TAOK3: variants seen among roughly 807,000 people sequenced by gnomAD.
The protein encoded by TAOK3 is TAO kinase 3, also known as serine/threonine-protein kinase TAO3.
Under a neutral mutation model 120.4 loss-of-function variants are expected in TAOK3, and 40 were observed. The ratio of observed to expected loss-of-function variants is 0.33; its 90% CI spans 0.26 to 0.43. TAOK3 has a LOEUF of 0.43. Ranked by LOEUF, TAOK3 falls within the 20% of genes least tolerant of loss-of-function variation. The pLI is 1.00. For missense variants in TAOK3, 821 were observed against 1,112.1 expected (o/e 0.74, Z 3.72); for synonymous variants, 355 against 387.5 (o/e 0.92, Z 0.99).
At chr12:118,276,834 G>A (rs918584746) in intron 1 of TAOK3, among the ~76,000 whole-genome samples, 2 of 151,972 alleles carry the variant, frequency 1.3e-5, no homozygotes, top group African/African-American at 4.8e-5. Flanking sequence ...GTAAAACCCC[G>A]TGTCTACTAA....
chr12:118,337,835 T>G (rs1290523779), intron 1 of TAOK3, among the ~76,000 whole-genome samples: 1 of 152,212 alleles, frequency 6.6e-6, no homozygotes, highest in Admixed American at 6.5e-5. Context: ...ATCTTGACCA[T>G]TGTGGTGGAT....
At chr12:118,339,456 A>C (rs2044518672) in intron 1 of TAOK3, among the ~76,000 whole-genome samples, 2 of 151,956 alleles carry the variant, frequency 1.3e-5, no homozygotes, top group Admixed American at 6.6e-5. Flanking sequence ...AATGGAAGTT[A>C]AGTCTTCAAA....
intron 9 of TAOK3, among the ~76,000 whole-genome samples, chr12:118,217,107 C>A (rs1420054852): frequency 1.3e-5 from 2 of 152,088 alleles, no homozygotes; most frequent in East Asian, 3.9e-4. Flanking sequence ...CTTCTATTAA[C>A]CACTTCTAAA....
intron 1 of TAOK3, among the ~76,000 whole-genome samples, chr12:118,323,667 C>T (rs928712438): frequency 3.9e-5 from 6 of 151,930 alleles, no homozygotes; most frequent in African/African-American, 1.5e-4. Context: ...TATGTACTGA[C>T]CTTATATAAA....
intron 9 of TAOK3, among the ~76,000 whole-genome samples, chr12:118,216,273 A>T (rs1400387019): frequency 6.6e-6 from 1 of 152,118 alleles, no homozygotes; most frequent in African/African-American, 2.4e-5. Context: ...GAGTATAGGC[A>T]TGATGCACTG....
chr12:118,338,363 C>G (rs1373503165), intron 1 of TAOK3, among the ~76,000 whole-genome samples: 3 of 152,162 alleles, frequency 2.0e-5, no homozygotes, highest in Non-Finnish European at 2.9e-5. Flanking sequence ...TTTCCAGTAC[C>G]AAACAGTGTC....
intron 1 of TAOK3, among the ~76,000 whole-genome samples, chr12:118,280,775 A>T (rs527645188): frequency 1.3e-5 from 2 of 152,278 alleles, no homozygotes; most frequent in African/African-American, 4.8e-5. Flanking sequence ...TGAATCTGTA[A>T]ATTGCTTTGG....
At chr12:118,260,673 T>A (rs1204086962) in intron 2 of TAOK3, among the ~76,000 whole-genome samples, 1 of 152,170 alleles carries the variant, frequency 6.6e-6, no homozygotes, top group African/African-American at 2.4e-5. Context: ...ACCTTTATTT[T>A]ATGCATATAT....
chr12:118,314,491 T>C (rs565819766), intron 1 of TAOK3, among the ~76,000 whole-genome samples: 1 of 152,322 alleles, frequency 6.6e-6, no homozygotes, highest in East Asian at 1.9e-4. Flanking sequence ...TTTGGATTAC[T>C]TGAGGATTTT....
At chr12:118,294,371 A>T (rs2042594567) in intron 1 of TAOK3, among the ~76,000 whole-genome samples, 1 of 151,338 alleles carries the variant, frequency 6.6e-6, no homozygotes, top group Non-Finnish European at 1.5e-5. Flanking sequence ...ATTTTCCAGA[A>T]TTTCTTTTCT....
intron 1 of TAOK3, among the ~76,000 whole-genome samples, chr12:118,336,140 C>G (rs1208066468): frequency 1.3e-5 from 2 of 152,100 alleles, no homozygotes; most frequent in Non-Finnish European, 2.9e-5. Flanking sequence ...AATGACTAAA[C>G]AATCTTGAAA....
At chr12:118,292,015 G>A (rs773802349) in intron 1 of TAOK3, among the ~76,000 whole-genome samples, 87 of 151,850 alleles carry the variant, frequency 5.7e-4, no homozygotes, top group Non-Finnish European at 9.6e-4. Context: ...GGGTTTCACC[G>A]TGAGGATGAT....
chr12:118,265,973 G>A (rs1275357002), intron 2 of TAOK3, among the ~76,000 whole-genome samples: 2 of 151,994 alleles, frequency 1.3e-5, no homozygotes, highest in Admixed American at 1.3e-4. Context: ...TCTGTAATTA[G>A]AAGAAAAGTG....
intron 1 of TAOK3, among the ~76,000 whole-genome samples, chr12:118,349,868 A>G (rs2045058916): frequency 6.6e-6 from 1 of 152,180 alleles, no homozygotes; most frequent in African/African-American, 2.4e-5. Flanking sequence ...CAATCAGCAA[A>G]TCTAGGTTTC....
intron 9 of TAOK3, among the ~76,000 whole-genome samples, chr12:118,222,191 C>T (rs977876678): frequency 2.6e-5 from 4 of 151,924 alleles, no homozygotes; most frequent in Admixed American, 1.3e-4. Flanking sequence ...AATTTACAAA[C>T]GGAAAGATAT....
Position 118,151,011 on chromosome 12 carries a change from C to A in TAOK3, c.2683G>T (p.Glu895Ter), listed in dbSNP as rs891027711. The change falls in exon 21 of 21, where the codon GAG becomes TAG. Residue 895 changes from glutamate to a stop codon, truncating the protein, a stop_gained. Transcript: ENST00000392533. LOFTEE classifies it high-confidence loss of function. ...GNLVTLDFPK[E>*]DYR ...AAAATTTAATCTCATCTGTAGTCCT[C>A]CTTAGGAAAATCTAATGTAACCAAA... 6.2e-7 allele frequency: 1 copy of A among 1,601,344 alleles called. No individual in the cohort carries two copies. Among genetic ancestry groups the A allele is most frequent in the Non-Finnish European group, 8.5e-7 (1 of 1,176,096 alleles).
intron 1 of TAOK3, among the ~76,000 whole-genome samples, chr12:118,275,332 GC>G (rs2041867840): frequency 6.6e-6 from 1 of 151,750 alleles, no homozygotes. Flanking sequence ...ATAGGGTCTT[GC>G]TATGTTGCCC....
intron 1 of TAOK3, among the ~76,000 whole-genome samples, chr12:118,301,839 C>T (rs1831731074): frequency 2.0e-5 from 2 of 102,414 alleles, no homozygotes; most frequent in South Asian, 7.4e-4. Context: ...GAGACTCCAT[C>T]TCAAAAAAAA....
chr12:118,202,773 C>CTTTTT (rs58282262), intron 11 of TAOK3, among the ~76,000 whole-genome samples: 745 of 100,488 alleles, frequency 7.4e-3, no homozygotes, highest in Non-Finnish European at 9.3e-3. Context: ...ATAGTCTATT[C>CTTTTT]TTTTTTTTTT....
Sources: gnomAD v4.1 joint callset for allele counts (sites outside exome capture counted in the v4.1 genomes callset) on GRCh38, gnomAD v4.1.1 for gene constraint, MANE v1.5 for transcripts, NCBI Gene and HGNC (gene_info 2026-07-23, HGNC 2026-07-21) for gene names.